ZNF385D: variants seen among roughly 807,000 people sequenced by gnomAD.
ZNF385D encodes the protein zinc finger protein 659.
A neutral mutation model predicts 35.8 loss-of-function variants in ZNF385D; 15 were observed. That is an observed-to-expected ratio of 0.42 (90% CI 0.28 to 0.64). The LOEUF (loss-of-function observed/expected upper bound fraction) is 0.64, where lower values mean the gene tolerates loss of function less well. Ranked by LOEUF, ZNF385D falls within the 30% of genes least tolerant of loss-of-function variation. ZNF385D has a pLI of 0.23. For synonymous variants in ZNF385D, 212 were observed against 186.8 expected (o/e 1.13, Z -1.10); for missense variants, 474 against 494.6 (o/e 0.96, Z 0.39).
At chr3:22,231,366 A>G (rs9878468) in intron 2 of ZNF385D, among the ~76,000 whole-genome samples, 10,580 of 151,600 alleles carry the variant, frequency 0.07, 944 homozygotes, top group African/African-American at 0.21. Flanking sequence ...GAGAGAGAGA[A>G]AAAAAAAAGT....
chr3:22,007,805 A>T (rs553862442), intron 3 of ZNF385D, among the ~76,000 whole-genome samples: 56 of 140,836 alleles, frequency 4.0e-4, no homozygotes, highest in African/African-American at 1.3e-3. Flanking sequence ...TGATATATAT[A>T]TTATTTTTTC....
intron 2 of ZNF385D, among the ~76,000 whole-genome samples, chr3:22,200,450 G>T (rs544649586): frequency 3.3e-5 from 5 of 151,884 alleles, no homozygotes; most frequent in Non-Finnish European, 5.9e-5. Context: ...ATAGGGTGTG[G>T]GTCACAGACA....
chr3:22,112,575 T>C (rs1420772555), intron 3 of ZNF385D, among the ~76,000 whole-genome samples: 3 of 152,160 alleles, frequency 2.0e-5, no homozygotes, highest in Non-Finnish European at 4.4e-5. Context: ...ACATCAGCTA[T>C]GTAAGTGTTA....
intron 3 of ZNF385D, among the ~76,000 whole-genome samples, chr3:22,140,033 T>A (rs1704406935): frequency 6.6e-6 from 1 of 152,204 alleles, no homozygotes; most frequent in Non-Finnish European, 1.5e-5. Flanking sequence ...CACTTTGGAT[T>A]CATTGTGGCA....
At chr3:21,474,770 T>G (rs570715377) in intron 4 of ZNF385D, among the ~76,000 whole-genome samples, 1 of 152,106 alleles carries the variant, frequency 6.6e-6, no homozygotes, top group Non-Finnish European at 1.5e-5. Flanking sequence ...CCAAAATCAT[T>G]TTGTACTGTT....
chr3:22,101,736 G>C (rs569023464), intron 3 of ZNF385D, among the ~76,000 whole-genome samples: 13 of 152,116 alleles, frequency 8.5e-5, no homozygotes, highest in African/African-American at 1.2e-4. Flanking sequence ...AGTCAGCAGA[G>C]TTCTTGTGCC....
chr3:22,106,872 C>G (rs1340854837), intron 3 of ZNF385D, among the ~76,000 whole-genome samples: 2 of 152,084 alleles, frequency 1.3e-5, no homozygotes, highest in African/African-American at 4.8e-5. Flanking sequence ...TTTGGGCACT[C>G]ATTCTTCATA....
intron 3 of ZNF385D, among the ~76,000 whole-genome samples, chr3:22,163,491 G>T (rs1447738553): frequency 6.6e-6 from 1 of 152,000 alleles, no homozygotes; most frequent in African/African-American, 2.4e-5. Context: ...ATTTTTCTCA[G>T]AAATGTGAAA....
chr3:21,688,468 G>C (rs2067179996), intron 1 of ZNF385D, among the ~76,000 whole-genome samples: 1 of 152,080 alleles, frequency 6.6e-6, no homozygotes, highest in Admixed American at 6.6e-5. Flanking sequence ...AAAAGATCAT[G>C]AATACTATGA....
In ZNF385D at chr3:21,750,483, C is replaced by T. The variant is rs73822048; in HGVS notation, c.22+412G>A. On this transcript the variant is annotated intron_variant, in intron 1 of 7. Coordinates refer to ENST00000281523, the MANE Select transcript of ZNF385D (RefSeq NM_024697.3). ...TCAGAACAAGAAAAACCAGCAAATA[C>T]TGAATGAAATGCTCATATTGACTAA... is the stretch of plus-strand genomic sequence containing the variant. Among the ~76,000 whole-genome samples, 317 of 152,152 alleles carry T rather than the reference C, an allele frequency of 2.1e-3. 1 individual carries two copies. Among genetic ancestry groups the T allele is most frequent in the African/African-American group, 7.2e-3 (300 of 41,414 alleles).
intron 3 of ZNF385D, among the ~76,000 whole-genome samples, chr3:22,095,224 G>A (rs1029636007): frequency 6.6e-6 from 1 of 151,200 alleles, no homozygotes; most frequent in Non-Finnish European, 1.5e-5. Context: ...ATAGCACCTG[G>A]TCCCCAAATT....
intron 1 of ZNF385D, among the ~76,000 whole-genome samples, chr3:21,711,038 A>AATTTTTT (rs562190313): frequency 1.8e-5 from 1 of 55,834 alleles, no homozygotes; most frequent in East Asian, 6.0e-4. Context: ...TCCCTCTAAA[A>AATTTTTT]GTTTTTTTTT....
At chr3:22,073,660 A>G (rs566301532) in intron 3 of ZNF385D, among the ~76,000 whole-genome samples, 2 of 152,062 alleles carry the variant, frequency 1.3e-5, no homozygotes, top group African/African-American at 4.8e-5. Flanking sequence ...TAACAGGAGC[A>G]TAGTACCAGC....
intron 3 of ZNF385D, among the ~76,000 whole-genome samples, chr3:21,799,338 C>A (rs1385098009): frequency 1.3e-5 from 2 of 152,048 alleles, no homozygotes; most frequent in Non-Finnish European, 2.9e-5. Context: ...ATGGTAACTG[C>A]CCAACTATTT....
chr3:21,688,333 C>G (rs764422057), intron 1 of ZNF385D, among the ~76,000 whole-genome samples: 13 of 152,042 alleles, frequency 8.6e-5, no homozygotes, highest in Admixed American at 2.0e-4. Context: ...AATGCCCCAT[C>G]ATTGGTCATT....
At chr3:21,507,164 T>C (rs1706832989) in intron 4 of ZNF385D, among the ~76,000 whole-genome samples, 1 of 152,088 alleles carries the variant, frequency 6.6e-6, no homozygotes, top group African/African-American at 2.4e-5. Flanking sequence ...ACAATGAAAA[T>C]TTAGTTTCTG....
intron 3 of ZNF385D, among the ~76,000 whole-genome samples, chr3:22,042,263 C>T (rs1012367264): frequency 4.6e-5 from 7 of 152,066 alleles, no homozygotes; most frequent in Admixed American, 4.6e-4. Context: ...ACAGTCTCTT[C>T]CTTCTAGAGT....
rs565449977 is a variant in ZNF385D, at chr3:21,515,066, A to C, written c.277-4043T>G. ...GTAGTCAGCCACTTTTCAATCTTCA[A>C]ATTTTATCTTCAATATTTCAGAATG... On this transcript the variant is annotated intron_variant, in intron 3 of 7. Transcript: ENST00000281523. Among the ~76,000 whole-genome samples, 43 of 152,258 alleles carry C rather than the reference A, an allele frequency of 2.8e-4. 1 individual carries two copies. In the South Asian group the frequency reaches 5.0e-3, roughly 18 times the overall value.
intron 2 of ZNF385D, among the ~76,000 whole-genome samples, chr3:21,617,238 T>G (rs2064874109): frequency 6.6e-6 from 1 of 152,200 alleles, no homozygotes; most frequent in African/African-American, 2.4e-5. Context: ...TCAGCTCTCA[T>G]GTGCTCAAAA....
Sources: allele counts gnomAD v4.1 joint callset (sites outside exome capture counted in the v4.1 genomes callset), GRCh38; gene constraint gnomAD v4.1.1; transcripts MANE v1.5; gene names NCBI Gene and HGNC (gene_info 2026-07-23, HGNC 2026-07-21).